The following ZDHHC13 variants were observed in gnomAD, a reference collection of about 807,000 sequenced individuals.
ZDHHC13 encodes zDHHC palmitoyltransferase 13.
A neutral mutation model predicts 86.0 loss-of-function variants in ZDHHC13; 85 were observed. The ratio of observed to expected loss-of-function variants is 0.99; its 90% confidence interval spans 0.83 to 1.18. The LOEUF (loss-of-function observed/expected upper bound fraction) is 1.18. Ranked by LOEUF, ZDHHC13 falls within the 50% of genes most tolerant of loss-of-function variation. The pLI is 0.00. For missense variants in ZDHHC13, 711 were observed against 730.2 expected (o/e 0.97, Z 0.30); for synonymous variants, 263 against 246.4 (o/e 1.07, Z -0.63).
chr11:19,151,911 A>G (rs1304875818), intron 6 of ZDHHC13, among the ~76,000 whole-genome samples: 1 of 152,150 alleles, frequency 6.6e-6, no homozygotes, highest in Non-Finnish European at 1.5e-5. Flanking sequence ...TTGAAAAACA[A>G]AAGCAGTTAT....
intron 1 of ZDHHC13, among the ~76,000 whole-genome samples, chr11:19,134,663 T>C (rs1005061537): frequency 4.7e-5 from 7 of 150,248 alleles, no homozygotes; most frequent in Admixed American, 1.3e-4. Context: ...ACAGTGAGAA[T>C]ATATGGACAC....
chr11:19,139,228 A>T (rs1279735713), intron 1 of ZDHHC13, among the ~76,000 whole-genome samples: 9 of 152,164 alleles, frequency 5.9e-5, no homozygotes, highest in Admixed American at 5.9e-4. Context: ...TCAGGATACA[A>T]AATCAACGTA....
intron 5 of ZDHHC13, among the ~76,000 whole-genome samples, chr11:19,150,241 A>G (rs1447694286): frequency 6.6e-6 from 1 of 152,192 alleles, no homozygotes; most frequent in Admixed American, 6.5e-5. Context: ...GAAAATAGAA[A>G]GGAAATTTTC....
rs1413364145 is a variant in ZDHHC13 at position 19,150,912 on chromosome 11, TCA to T, written c.584+126_584+127del. 4.9e-6 allele frequency: 4 copies of T among 820,438 alleles called. No individual in the cohort carries two copies. In the Admixed American group the frequency reaches 6.8e-5, roughly 14 times the overall value. The allele number at this position is 820,438 out of a possible 1,614,324, so 50.8% of individuals were successfully genotyped here. A position where few individuals can be genotyped will look rare whatever the true frequency, so the allele number is the denominator to read the frequency against. On this transcript the variant is annotated intron_variant, in intron 6 of 16. Transcript: ENST00000446113. ...AGTACATTGAAGAAAATAAGATTTT[TCA>T]CACAGAGACTGTGATAATTGACTTT...
At position 19,152,229 on chromosome 11, in the gene ZDHHC13, C is replaced by G; in HGVS notation, c.656C>G (p.Thr219Ser). Residue 219 changes from threonine (T) to serine (S), a missense_variant, in exon 7 of 17, where the codon ACT (threonine) becomes AGT (serine). By Grantham distance (58) the Thr-to-Ser change is moderately conservative. Coordinates refer to ENST00000446113, the MANE Select transcript of ZDHHC13 (RefSeq NM_019028.3). ...LNVVDKIHQN[T>S]PLHWAVAAGN... ...GTGGTTGATAAAATACACCAAAACA[C>G]TCCACTTCACTGGGCAGTTGCAGCA... 6.2e-7 allele frequency: 1 copy of G among 1,613,402 alleles called. No homozygotes were observed. Among genetic ancestry groups the G allele is most frequent in the Non-Finnish European group, 8.5e-7 (1 of 1,179,524 alleles).
chr11:19,153,787 C>T (rs1241056389), intron 8 of ZDHHC13, among the ~76,000 whole-genome samples: 1 of 152,144 alleles, frequency 6.6e-6, no homozygotes, highest in Non-Finnish European at 1.5e-5. Flanking sequence ...ATACCCTCCC[C>T]ACCCTTCCCC....
In ZDHHC13 at chr11:19,175,977, ACT is replaced by A. The variant is rs746350527; in HGVS notation, c.*21_*22del. 2 of 1,581,794 alleles carry A rather than the reference ACT, an allele frequency of 1.3e-6. No individual in the cohort carries two copies. The highest frequency in any genetic ancestry group is 3.9e-5 in the Admixed American group (2 of 51,262). On this transcript the variant is annotated 3_prime_UTR_variant, in exon 17 of 17. Coordinates refer to ENST00000446113, the MANE Select transcript of ZDHHC13 (RefSeq NM_019028.3). ...TCAGTATGAAGAAAAGCAACCCAAA[ACT>A]CTCAATCTGATTTGTTTTTGTTTAT...
intron 1 of ZDHHC13, among the ~76,000 whole-genome samples, chr11:19,134,466 A>G (rs1590065232): frequency 6.6e-6 from 1 of 152,244 alleles, no homozygotes; most frequent in South Asian, 2.1e-4. Flanking sequence ...TCAAATGCCC[A>G]TCAATGACAG....
Position 19,170,899 on chromosome 11 carries a change from C to A in ZDHHC13, c.1632+331C>A, listed in dbSNP as rs534899437. Among the ~76,000 whole-genome samples, 4 of 152,288 alleles carry A rather than the reference C, an allele frequency of 2.6e-5. No homozygotes were observed. In the South Asian group the frequency reaches 8.3e-4, roughly 32 times the overall value. On this transcript the variant is annotated intron_variant, in intron 15 of 16. Coordinates refer to ENST00000446113, the MANE Select transcript of ZDHHC13 (RefSeq NM_019028.3). ...GTAAATTGAATTGCTCAAGGTCACC[C>A]AGTGTGTGGCAAAATCAGAACTGGA... is the stretch of plus-strand genomic sequence containing the variant.
At position 19,133,352 on chromosome 11, in the gene ZDHHC13, C is replaced by CATATATATATATATATAT. The variant is rs149739194; in HGVS notation, c.28-9609_28-9608insTATATATATATATATATA. ...GATATATGCTTTTGAGAATTGTTTACATATATATATATATATACCCACACA... is the reference window on the plus strand; with the variant it reads ...GATATATGCTTTTGAGAATTGTTTACATATATATATATATATATATATATATATATATATACCCACACA... On this transcript the variant is annotated intron_variant, in intron 1 of 16. Coordinates refer to ENST00000446113, the MANE Select transcript of ZDHHC13 (RefSeq NM_019028.3). Among the ~76,000 whole-genome samples, 599 of 144,802 alleles carry CATATATATATATATATAT rather than the reference C, an allele frequency of 4.1e-3. 3 individuals are homozygous for CATATATATATATATATAT. The highest frequency in any genetic ancestry group is 0.014 in the African/African-American group (564 of 39,514). 95.0% of individuals were successfully genotyped at this position (144,802 alleles called of 152,430 possible).
chr11:19,125,031 A>G (rs1403344338), intron 1 of ZDHHC13, among the ~76,000 whole-genome samples: 4 of 152,100 alleles, frequency 2.6e-5, no homozygotes, highest in African/African-American at 9.7e-5. Flanking sequence ...CTGAGGGAGA[A>G]CTCTCTGAAC....
At chr11:19,134,156 A>G (rs2133379186) in intron 1 of ZDHHC13, among the ~76,000 whole-genome samples, 1 of 152,116 alleles carries the variant, frequency 6.6e-6, no homozygotes, top group East Asian at 1.9e-4. Flanking sequence ...TTATTTAAAA[A>G]TCAGCTTTTT....
intron 2 of ZDHHC13, 91 bp downstream of exon 2, chr11:19,143,214 C>G (rs1399436504): frequency 7.4e-7 from 1 of 1,344,098 alleles, no homozygotes; most frequent in African/African-American, 1.5e-5. Flanking sequence ...ATGTTTACCT[C>G]TCTTAACTTC....
chr11:19,139,994 C>G (rs532240901), intron 1 of ZDHHC13, among the ~76,000 whole-genome samples: 13 of 149,866 alleles, frequency 8.7e-5, no homozygotes, highest in Admixed American at 6.0e-4. Context: ...CCATTCAGGA[C>G]ATAGGCATGG....
At chr11:19,145,133 A>G (rs376877163) in intron 2 of ZDHHC13, among the ~76,000 whole-genome samples, 3 of 152,320 alleles carry the variant, frequency 2.0e-5, no homozygotes, top group African/African-American at 7.2e-5. Flanking sequence ...ATTGCTAATA[A>G]ATGATTTGCC....
At chr11:19,152,019 T>C (rs1004082358) in intron 6 of ZDHHC13, 139 bp from the exon 7 acceptor site, 8 of 832,578 alleles carry the variant, frequency 9.6e-6, no homozygotes, top group Admixed American at 8.7e-5. Context: ...TAGAACTCAG[T>C]ACAAAGAAGT....
At chr11:19,117,147 G>A, upstream of ZDHHC13, 1 of 1,301,738 alleles carries the variant, frequency 7.7e-7, no homozygotes, top group South Asian at 1.3e-5. The surrounding 1 kb of genome is among the most constrained non-coding windows in gnomAD (Gnocchi z 4.2). Flanking sequence ...GGAGGTGAGG[G>A]CGCCAGCAGG....
intron 1 of ZDHHC13, among the ~76,000 whole-genome samples, chr11:19,123,725 A>G (rs181171671): frequency 6.6e-6 from 1 of 152,322 alleles, no homozygotes; most frequent in African/African-American, 2.4e-5. Context: ...AAAAACAAGT[A>G]GACTATGAAA....
At chr11:19,137,041 G>A (rs1160977722) in intron 1 of ZDHHC13, among the ~76,000 whole-genome samples, 1 of 151,776 alleles carries the variant, frequency 6.6e-6, no homozygotes, top group Non-Finnish European at 1.5e-5. Context: ...ACATCATAAT[G>A]ACAGGATCAA....
Sources: gnomAD v4.1 joint callset for allele counts (sites outside exome capture counted in the v4.1 genomes callset) on GRCh38, gnomAD v4.1.1 for gene constraint, Gnocchi (gnomAD v3.1) non-coding constraint, MANE v1.5 for transcripts, NCBI Gene and HGNC (gene_info 2026-07-23, HGNC 2026-07-21) for gene names.